Variants in TLK2 observed in about 807,000 individuals in gnomAD.
TLK2 encodes tousled like kinase 2, also known as serine/threonine-protein kinase tousled-like 2.
Under a neutral mutation model 117.3 loss-of-function variants are expected in TLK2, and 6 were observed. The ratio of observed to expected loss-of-function variants is 0.05; its 90% CI spans 0.03 to 0.10. TLK2 has a LOEUF of 0.10. TLK2 is among the 10% of genes least tolerant of loss of function. TLK2 has a pLI of 1.00. For synonymous variants in TLK2, 257 were observed against 316.7 expected (o/e 0.81, Z 2.00); for missense variants, 299 against 901.2 (o/e 0.33, Z 8.56).
chr17:62,592,018 A>G (rs1480527716), intron 16 of TLK2, among the ~76,000 whole-genome samples: 1 of 151,408 alleles, frequency 6.6e-6, no homozygotes, highest in African/African-American at 2.4e-5. Flanking sequence ...GCAATGGCGC[A>G]ATCTCAGCTC....
intron 15 of TLK2, among the ~76,000 whole-genome samples, chr17:62,583,670 C>A (rs1249990819): frequency 6.6e-6 from 1 of 152,018 alleles, no homozygotes; most frequent in Admixed American, 6.6e-5. Flanking sequence ...CTCTGCCTCC[C>A]GGGTTCAAGT....
chr17:62,476,358 C>A (rs1264180006), upstream of TLK2, among the ~76,000 whole-genome samples: 1 of 151,462 alleles, frequency 6.6e-6, no homozygotes, highest in East Asian at 2.0e-4. Context: ...CCGAGGTGGG[C>A]GGATCACGAG....
At chr17:62,552,279 T>C in intron 7 of TLK2, 23 bp from the exon 8 acceptor site, 5 of 1,592,724 alleles carry the variant, frequency 3.1e-6, no homozygotes, top group Non-Finnish European at 4.3e-6. Context: ...TTTCCTGTGA[T>C]TGGTAATGCA....
intron 17 of TLK2, 99 bp from the exon 18 acceptor site, chr17:62,600,552 A>T: frequency 1.0e-6 from 1 of 961,094 alleles, no homozygotes; most frequent in Non-Finnish European, 1.5e-6. Context: ...GAAAGGAGTG[A>T]GAAGCTGATG....
intron 2 of TLK2, among the ~76,000 whole-genome samples, chr17:62,483,718 G>A (rs1344087775): frequency 6.6e-6 from 1 of 152,132 alleles, no homozygotes; most frequent in Non-Finnish European, 1.5e-5. Flanking sequence ...GGACAGGTTG[G>A]TCTTGAACTC....
chr17:62,600,412 G>C, intron 17 of TLK2: 1 of 412,072 alleles, frequency 2.4e-6, no homozygotes, highest in Non-Finnish European at 4.3e-6. Flanking sequence ...TCTGCCATGG[G>C]TGAACTTGAG....
intron 2 of TLK2, among the ~76,000 whole-genome samples, chr17:62,493,156 A>T (rs1036462560): frequency 7.9e-5 from 12 of 152,194 alleles, no homozygotes; most frequent in Non-Finnish European, 5.9e-5. Flanking sequence ...CCTGGCAACT[A>T]TCATTCTGTT....
At chr17:62,492,569 T>A (rs1191917364) in intron 2 of TLK2, among the ~76,000 whole-genome samples, 17 of 151,986 alleles carry the variant, frequency 1.1e-4, no homozygotes, top group Non-Finnish European at 1.9e-4. Flanking sequence ...GCGATTCTCC[T>A]GCCTCAGCTT....
rs375187637 is a variant in TLK2, at chr17:62,602,189, C to G, written c.1859+9C>G. 23 of 1,611,796 alleles carry G rather than the reference C, an allele frequency of 1.4e-5. No individual in the cohort carries two copies. Among genetic ancestry groups the G allele is most frequent in the Non-Finnish European group, 1.7e-5 (20 of 1,179,136 alleles). The stretch of plus-strand genomic sequence containing the variant: ...GGTGCTGGTACTTATTGGTAGGTAT[C>G]CAGGAGCTCTGCCAGGTTGGCTATA... On this transcript the variant is annotated intron_variant, in intron 19 of 21. Coordinates refer to ENST00000346027, the MANE Select transcript of TLK2 (RefSeq NM_006852.6).
At chr17:62,548,216 TATC>T (rs2078093989) in intron 7 of TLK2, among the ~76,000 whole-genome samples, 1 of 148,518 alleles carries the variant, frequency 6.7e-6, no homozygotes, top group African/African-American at 2.5e-5. Context: ...GCATTTTACT[TATC>T]ATTGGGCCAT....
intron 3 of TLK2, 48 bp downstream of exon 3, chr17:62,520,892 G>A (rs778687196): frequency 6.9e-6 from 11 of 1,603,350 alleles, no homozygotes; most frequent in Middle Eastern, 3.3e-4. Flanking sequence ...GTACGTTTGG[G>A]CCAGGTTTGG....
chr17:62,588,075 TGTATAAAATATACGTATACATCTGTATA>T (rs1389056957), intron 16 of TLK2, among the ~76,000 whole-genome samples: 2 of 141,700 alleles, frequency 1.4e-5, no homozygotes, highest in Non-Finnish European at 3.1e-5. Context: ...CATCTGTATA[TGTATAAAATATACGTATACATCTGTATA>T]TGTATAAAAT....
intron 2 of TLK2, among the ~76,000 whole-genome samples, chr17:62,509,594 G>A (rs1451007708): frequency 6.6e-6 from 1 of 152,172 alleles, no homozygotes; most frequent in South Asian, 2.1e-4. Flanking sequence ...AAACAAGTTC[G>A]TGTTTAAAAA....
intron 17 of TLK2, among the ~76,000 whole-genome samples, chr17:62,598,866 C>A (rs544853220): frequency 6.6e-6 from 1 of 152,316 alleles, no homozygotes; most frequent in Non-Finnish European, 1.5e-5. Flanking sequence ...GTGAAAGAAT[C>A]ATTCCATTGA....
intron 2 of TLK2, among the ~76,000 whole-genome samples, chr17:62,510,600 T>C (rs1358474663): frequency 6.6e-6 from 1 of 152,258 alleles, no homozygotes; most frequent in African/African-American, 2.4e-5. Context: ...TGGTTTCTTC[T>C]GAGGCCTTTC....
intron 7 of TLK2, among the ~76,000 whole-genome samples, chr17:62,546,485 GT>G (rs1467843195): frequency 6.9e-6 from 1 of 145,564 alleles, no homozygotes; most frequent in African/African-American, 2.5e-5. Flanking sequence ...TGCTATTCAT[GT>G]TTCTTTTCTT....
At chr17:62,501,701 T>C (rs1182132856) in intron 2 of TLK2, among the ~76,000 whole-genome samples, 3 of 152,148 alleles carry the variant, frequency 2.0e-5, no homozygotes, top group African/African-American at 7.2e-5. Flanking sequence ...GACTCATGGC[T>C]CTAGTCCCAG....
intron 11 of TLK2, among the ~76,000 whole-genome samples, chr17:62,571,863 G>A (rs1020128761): frequency 6.6e-6 from 1 of 152,064 alleles, no homozygotes; most frequent in Non-Finnish European, 1.5e-5. Flanking sequence ...CCATTTGAGT[G>A]TAGGTTTTAA....
In TLK2 at chr17:62,576,698, CTG is replaced by C; in HGVS notation, c.1122-9_1122-8del. On this transcript the variant is annotated splice_polypyrimidine_tract_variant and intron_variant, in intron 12 of 21. Coordinates refer to ENST00000346027, the MANE Select transcript of TLK2 (RefSeq NM_006852.6). ...TAGTAGTTTACTGAAACTTTTACCA[CTG>C]TTTTTCAGGTTAACGTTAGCAGAAT... 1 of 1,609,574 alleles carries C rather than the reference CTG, an allele frequency of 6.2e-7. No homozygotes were observed. The highest frequency in any genetic ancestry group is 8.5e-7 in the Non-Finnish European group (1 of 1,176,848).
Sources: gnomAD v4.1 joint callset for allele counts (sites outside exome capture counted in the v4.1 genomes callset) on GRCh38, gnomAD v4.1.1 for gene constraint, MANE v1.5 for transcripts, NCBI Gene and HGNC (gene_info 2026-07-23, HGNC 2026-07-21) for gene names.